The following NAALADL2 variants were observed in gnomAD, a reference collection of about 807,000 sequenced individuals.
NAALADL2 encodes inactive N-acetylated-alpha-linked acidic dipeptidase-like protein 2.
NAALADL2 carries 76 observed loss-of-function variants against 87.2 expected under a neutral mutation model. The observed-to-expected ratio is 0.87, with a 90% CI of 0.72 to 1.05. The LOEUF (loss-of-function observed/expected upper bound fraction) is 1.05, where lower values mean the gene tolerates loss of function less well. NAALADL2 is among the 50% of genes least tolerant of loss of function. The pLI is 0.00. For synonymous variants in NAALADL2, 354 were observed against 331.0 expected (o/e 1.07, Z -0.75); for missense variants, 1,089 against 945.8 (o/e 1.15, Z -1.99).
chr3:175,615,867 TATATATATGTATA>T (rs1725278986), intron 10 of NAALADL2, among the ~76,000 whole-genome samples: 1 of 147,812 alleles, frequency 6.8e-6, no homozygotes, highest in Non-Finnish European at 1.5e-5. Context: ...AAAAAATATA[TATATATATGTATA>T]ATATATATGT....
At chr3:175,789,480 A>G (rs1752518792) in intron 13 of NAALADL2, among the ~76,000 whole-genome samples, 2 of 152,178 alleles carry the variant, frequency 1.3e-5, no homozygotes, top group Admixed American at 6.5e-5. Flanking sequence ...CATAATTTCA[A>G]TTGAGAACAT....
chr3:174,527,970 C>T (rs1029353878), intron 1 of NAALADL2, among the ~76,000 whole-genome samples: 3 of 152,208 alleles, frequency 2.0e-5, no homozygotes, highest in African/African-American at 7.2e-5. Context: ...TAAAGTTTTA[C>T]TGGAATACAG....
chr3:175,487,593 T>C (rs1396087368), intron 9 of NAALADL2: 2 of 453,568 alleles, frequency 4.4e-6, no homozygotes, highest in African/African-American at 4.0e-5. Flanking sequence ...ATGAAGAGAA[T>C]TCTTCCTCTT....
chr3:174,967,226 G>A (rs1001169368), intron 1 of NAALADL2, among the ~76,000 whole-genome samples: 1 of 151,978 alleles, frequency 6.6e-6, no homozygotes, highest in Admixed American at 6.6e-5. Context: ...CTGAGATAGA[G>A]TTATTTGACC....
intron 1 of NAALADL2, among the ~76,000 whole-genome samples, chr3:175,094,756 T>TGTGTGTGTGTGTGTGTGTG (rs747838814): frequency 1.5e-5 from 2 of 129,880 alleles, no homozygotes; most frequent in Admixed American, 7.5e-5. Flanking sequence ...CCAGACACTA[T>TGTGTGTGTGTGTGTGTGTG]AGTGTGTGTG....
rs1466033658 is a variant in NAALADL2, at chr3:175,411,070, CAAT to C, written c.1091-36156_1091-36154del. Among the ~76,000 whole-genome samples, 15 of 151,936 alleles carry C rather than the reference CAAT, an allele frequency of 9.9e-5. No individual in the cohort carries two copies. In the East Asian group the frequency reaches 2.1e-3, roughly 22 times the overall value. On this transcript the variant is annotated intron_variant, in intron 5 of 13. Coordinates refer to ENST00000454872, the MANE Select transcript of NAALADL2 (RefSeq NM_207015.3). ...TAGTGAGGGCAATGAAAGAGTGTGTCAATAAGCTCTGGACGAGAGTGATTATAG... is the reference window on the plus strand; with the variant it reads ...TAGTGAGGGCAATGAAAGAGTGTGTCAAGCTCTGGACGAGAGTGATTATAG...
At chr3:175,802,801 C>G (rs1754342320) in intron 13 of NAALADL2, among the ~76,000 whole-genome samples, 1 of 151,838 alleles carries the variant, frequency 6.6e-6, no homozygotes, top group Non-Finnish European at 1.5e-5. Flanking sequence ...GATCATTTCT[C>G]TCTTTCTCAT....
chr3:175,332,040 C>A (rs990479696), intron 5 of NAALADL2, among the ~76,000 whole-genome samples: 1 of 152,072 alleles, frequency 6.6e-6, no homozygotes, highest in South Asian at 2.1e-4. Context: ...AAGACCTCAA[C>A]AAAGAAAACT....
intron 1 of NAALADL2, among the ~76,000 whole-genome samples, chr3:174,544,049 A>C (rs1021391585): frequency 6.6e-6 from 1 of 151,972 alleles, no homozygotes; most frequent in Middle Eastern, 3.2e-3. Context: ...AATGAAACAA[A>C]ACAAAACAAA....
chr3:175,083,285 G>T (rs1156968421), intron 1 of NAALADL2, among the ~76,000 whole-genome samples: 1 of 152,082 alleles, frequency 6.6e-6, no homozygotes, highest in Non-Finnish European at 1.5e-5. Context: ...TTCTTTTTCA[G>T]AGATTGGAGA....
chr3:175,196,552 C>T (rs1739030133), intron 2 of NAALADL2, among the ~76,000 whole-genome samples: 1 of 151,940 alleles, frequency 6.6e-6, no homozygotes, highest in African/African-American at 2.4e-5. Context: ...TTAAATTCTT[C>T]AGCTTTAGAC....
intron 11 of NAALADL2, among the ~76,000 whole-genome samples, chr3:175,722,076 A>G (rs1742316215): frequency 6.6e-6 from 1 of 152,098 alleles, no homozygotes; most frequent in Non-Finnish European, 1.5e-5. Flanking sequence ...TGTCTGTAAA[A>G]GTAACGTATT....
At chr3:174,505,737 T>C (rs1458544358) in intron 1 of NAALADL2, among the ~76,000 whole-genome samples, 1 of 152,206 alleles carries the variant, frequency 6.6e-6, no homozygotes, top group Non-Finnish European at 1.5e-5. Context: ...GATTGTACTT[T>C]ATGTAAACTT....
chr3:174,563,769 C>T (rs561214953), intron 2 of NAALADL2, among the ~76,000 whole-genome samples: 2 of 152,180 alleles, frequency 1.3e-5, no homozygotes, highest in South Asian at 4.1e-4. Flanking sequence ...AGAAGGTGAT[C>T]TGTCTTCATA....
At chr3:175,454,484 T>A (rs1054718942) in intron 6 of NAALADL2, among the ~76,000 whole-genome samples, 1 of 152,048 alleles carries the variant, frequency 6.6e-6, no homozygotes, top group Admixed American at 6.6e-5. Flanking sequence ...AATCTTTTTT[T>A]AGAACCACCT....
chr3:174,932,690 C>G (rs1489386087), intron 1 of NAALADL2, among the ~76,000 whole-genome samples: 3 of 152,178 alleles, frequency 2.0e-5, no homozygotes, highest in Non-Finnish European at 4.4e-5. Flanking sequence ...TAGAGTTCTT[C>G]ATTTATGGTG....
chr3:174,592,392 A>G (rs1283931220), intron 2 of NAALADL2, among the ~76,000 whole-genome samples: 1 of 152,140 alleles, frequency 6.6e-6, no homozygotes, highest in Non-Finnish European at 1.5e-5. Context: ...AGCATTAGGT[A>G]TATCTCAAAG....
chr3:175,576,918 A>T (rs1718991680), intron 10 of NAALADL2, among the ~76,000 whole-genome samples: 1 of 152,220 alleles, frequency 6.6e-6, no homozygotes, highest in Admixed American at 6.5e-5. Flanking sequence ...AAGTACGGTA[A>T]AATCTGCCTT....
intron 10 of NAALADL2, chr3:175,581,101 AAATGAGAAGAGTG>A: frequency 3.1e-6 from 1 of 319,520 alleles, no homozygotes; most frequent in Non-Finnish European, 6.4e-6. Context: ...ACAAAAATAT[AAATGAGAAGAGTG>A]ATGTTATCTT....
Sources: allele counts gnomAD v4.1 joint callset (sites outside exome capture counted in the v4.1 genomes callset), GRCh38; gene constraint gnomAD v4.1.1; transcripts MANE v1.5; gene names NCBI Gene and HGNC (gene_info 2026-07-23, HGNC 2026-07-21).